The following C1QTNF3 variants were observed in gnomAD, a reference collection of about 807,000 sequenced individuals.
C1QTNF3 encodes the protein C1q and TNF related 3.
In C1QTNF3, 26 loss-of-function variants were observed where a neutral mutation model predicts 32.6. The observed-to-expected ratio is 0.80, with a 90% confidence interval of 0.58 to 1.11. The LOEUF is 1.11. Among genes scored for constraint, C1QTNF3 ranks in the 50% least tolerant of loss-of-function variants. The pLI is 0.00. For missense variants in C1QTNF3, 362 were observed against 398.2 expected (o/e 0.91, Z 0.77); for synonymous variants, 155 against 146.0 (o/e 1.06, Z -0.44).
At chr5:34,189,774 C>CCATCGCCCAG in the C1QTNF3 span, among the ~76,000 whole-genome samples, 1 of 152,312 alleles carries the variant, frequency 6.6e-6, no homozygotes, top group African/African-American at 2.4e-5. Context: ...CCCCTTCAGC[C>CCATCGCCCAG]CATCGCCCAG....
the C1QTNF3 span, among the ~76,000 whole-genome samples, chr5:34,194,951 T>G: frequency 6.6e-6 from 1 of 151,012 alleles, no homozygotes; most frequent in South Asian, 2.1e-4. Context: ...TCTTTACATG[T>G]TCAGTACAGA....
the C1QTNF3 span, chr5:34,167,772 A>C: frequency 6.6e-6 from 1 of 152,216 alleles, no homozygotes; most frequent in African/African-American, 2.4e-5. Flanking sequence ...ACTAAAATAT[A>C]ATGAAGTGGT....
chr5:34,197,569 A>C, the C1QTNF3 span, among the ~76,000 whole-genome samples: 2 of 152,182 alleles, frequency 1.3e-5, no homozygotes, highest in African/African-American at 2.4e-5. Context: ...GGCTTAAAAT[A>C]ACAAATATGT....
chr5:34,132,141 C>T, the C1QTNF3 span, among the ~76,000 whole-genome samples: 1,990 of 152,034 alleles, frequency 0.013, 48 homozygotes, highest in African/African-American at 0.045. Flanking sequence ...AATCCCAGCA[C>T]TTTGGGAGGC....
chr5:34,052,318 A>C, the C1QTNF3 span, among the ~76,000 whole-genome samples: 14 of 152,202 alleles, frequency 9.2e-5, no homozygotes, highest in Admixed American at 3.3e-4. Context: ...AGTACTTTCC[A>C]AATTAAAATT....
At chr5:34,186,856 CCTGT>C in the C1QTNF3 span, among the ~76,000 whole-genome samples, 1,122 of 150,606 alleles carry the variant, frequency 7.4e-3, no homozygotes, top group African/African-American at 0.027. Context: ...GCCCTCTGAT[CCTGT>C]CTAAGATCTG....
At position 34,034,556 on chromosome 5, in the gene C1QTNF3, T is replaced by C. The variant is rs529397622; in HGVS notation, c.415+1091A>G. The stretch of plus-strand genomic sequence containing the variant: ...AATTTCAGGCTTTTTGCTGTTCATT[T>C]TGCATGCTACCCTTGGTTGGTTATC... On this transcript the variant is annotated intron_variant, in intron 2 of 5. Transcript: ENST00000382065. Among the ~76,000 whole-genome samples, 68 of 152,370 alleles carry C rather than the reference T, an allele frequency of 4.5e-4. 1 individual carries two copies. The highest frequency in any genetic ancestry group is 1.5e-3 in the African/African-American group (63 of 41,592).
At chr5:34,159,458 CA>C in the C1QTNF3 span, among the ~76,000 whole-genome samples, 3 of 151,706 alleles carry the variant, frequency 2.0e-5, no homozygotes, top group Non-Finnish European at 4.4e-5. Context: ...TGACGAGCTG[CA>C]AAAAAGAATA....
At chr5:34,085,275 A>G in the C1QTNF3 span, among the ~76,000 whole-genome samples, 238 of 150,238 alleles carry the variant, frequency 1.6e-3, 8 homozygotes, top group East Asian at 0.04. Context: ...GATTACAGGC[A>G]TGAGCCACCA....
chr5:34,037,123 T>C (rs1186388683), intron 1 of C1QTNF3, among the ~76,000 whole-genome samples: 1 of 152,180 alleles, frequency 6.6e-6, no homozygotes, highest in Non-Finnish European at 1.5e-5. Context: ...CTAGTGGAAG[T>C]TGATTGACAG....
chr5:34,070,844 G>T, the C1QTNF3 span, among the ~76,000 whole-genome samples: 2 of 152,038 alleles, frequency 1.3e-5, no homozygotes, highest in Admixed American at 1.3e-4. Context: ...ATTTATTTTA[G>T]GCTAAAATGC....
chr5:34,122,065 A>C, the C1QTNF3 span, among the ~76,000 whole-genome samples: 2 of 152,230 alleles, frequency 1.3e-5, no homozygotes, highest in Admixed American at 1.3e-4. Flanking sequence ...TTATTACAGC[A>C]ATTCAAACAG....
chr5:34,079,324 T>C, the C1QTNF3 span, among the ~76,000 whole-genome samples: 5 of 151,616 alleles, frequency 3.3e-5, no homozygotes, highest in Non-Finnish European at 5.9e-5. Flanking sequence ...GAGATAATTA[T>C]GTACATAAAA....
At chr5:34,157,748 T>C in the C1QTNF3 span, among the ~76,000 whole-genome samples, 1 of 152,158 alleles carries the variant, frequency 6.6e-6, no homozygotes, top group Non-Finnish European at 1.5e-5. Context: ...GGAAATAAAA[T>C]ATTTCTTCTA....
At chr5:34,040,361 G>A (rs16892201) in intron 1 of C1QTNF3, among the ~76,000 whole-genome samples, 8,624 of 152,044 alleles carry the variant, frequency 0.057, 881 homozygotes, top group African/African-American at 0.2. Flanking sequence ...CTTCTAGGAA[G>A]GAGAGTCATA....
At chr5:34,196,109 T>A in the C1QTNF3 span, among the ~76,000 whole-genome samples, 1 of 152,312 alleles carries the variant, frequency 6.6e-6, no homozygotes, top group Non-Finnish European at 1.5e-5. Context: ...GCACTTCCAG[T>A]CTCCACAACT....
chr5:34,228,878 C>T, the C1QTNF3 span, among the ~76,000 whole-genome samples: 10 of 150,820 alleles, frequency 6.6e-5, no homozygotes, highest in African/African-American at 2.2e-4. Context: ...GGAAGCTGGC[C>T]GTAATTTGTT....
chr5:34,236,563 C>CTTTTTTATTTTTTTTTTTT, the C1QTNF3 span, among the ~76,000 whole-genome samples: 1 of 45,306 alleles, frequency 2.2e-5, no homozygotes, highest in Non-Finnish European at 6.3e-5. Flanking sequence ...TTTCTTTTTT[C>CTTTTTTATTTTTTTTTTTT]TTTTTTCTTT....
chr5:34,176,491 C>T, the C1QTNF3 span, among the ~76,000 whole-genome samples: 1 of 151,702 alleles, frequency 6.6e-6, no homozygotes, highest in African/African-American at 2.4e-5. Flanking sequence ...CAATTAGTAA[C>T]TGCTTTATTT....
Sources: gnomAD v4.1 joint callset for allele counts (sites outside exome capture counted in the v4.1 genomes callset) on GRCh38, gnomAD v4.1.1 for gene constraint, MANE v1.5 for transcripts, NCBI Gene and HGNC (gene_info 2026-07-23, HGNC 2026-07-21) for gene names.